TTC27: variants seen among roughly 807,000 people sequenced by gnomAD.
TTC27 encodes the protein tetratricopeptide repeat protein 27.
TTC27 carries 79 observed loss-of-function variants against 115.9 expected under a neutral mutation model. The observed-to-expected ratio is 0.68, with a 90% CI of 0.57 to 0.82. The LOEUF is 0.82. TTC27 is among the 40% of genes least tolerant of loss of function. TTC27 has a pLI of 0.00. For missense variants in TTC27, 1,054 were observed against 993.1 expected, an observed-to-expected ratio of 1.06 and a Z score of -0.82; for synonymous variants, 401 against 356.0, an observed-to-expected ratio of 1.13 and a Z score of -1.42.
intron 5 of TTC27, among the ~76,000 whole-genome samples, chr2:32,653,590 T>C (rs1452229303): frequency 3.7e-5 from 5 of 135,762 alleles, no homozygotes; most frequent in Non-Finnish European, 7.8e-5. Context: ...TGAGACTCCA[T>C]CTCAAAAAAA....
Position 32,736,756 on chromosome 2 carries a change from A to G in TTC27, c.1392A>G (p.Glu464=). The G allele has an allele frequency of 6.2e-7, 1 of 1,614,052 alleles. No individual in the cohort carries two copies. Among genetic ancestry groups the G allele is most frequent in the South Asian group, 1.1e-5 (1 of 91,078 alleles). Residue 464 remains glutamate, a synonymous_variant, in exon 12 of 20, where the codon GAA becomes GAG. Coordinates refer to ENST00000317907, the MANE Select transcript of TTC27 (RefSeq NM_017735.5). The part of the protein sequence containing the change: ...GCTSSALQIF[E]KLEMWEDVVI... The stretch of plus-strand genomic sequence containing the variant: ...CCAGTTCAGCCCTTCAGATATTTGA[A>G]AAGCTAGAAATGTGGGAAGATGTTG...
In TTC27 at chr2:32,666,786, T is replaced by C. The variant is rs372710476; in HGVS notation, c.939+18T>C. On this transcript the variant is annotated intron_variant, in intron 7 of 19. Transcript: ENST00000317907. ...TAACCAAGGCAAGTAGGACATTAAG[T>C]TATTAAATTCAATTAACACCTGAGT... The C allele has an allele frequency of 6.2e-7, 1 of 1,609,118 alleles. No individual in the cohort carries two copies. The highest frequency in any genetic ancestry group is 8.5e-7 in the Non-Finnish European group (1 of 1,177,826).
intron 9 of TTC27, among the ~76,000 whole-genome samples, chr2:32,684,691 T>C (rs994322376): frequency 2.6e-5 from 4 of 152,188 alleles, no homozygotes; most frequent in African/African-American, 9.6e-5. Flanking sequence ...ATTTTTCTTC[T>C]AGGGAATTAC....
chr2:32,754,453 G>C (rs1187048472), intron 12 of TTC27, among the ~76,000 whole-genome samples: 1 of 148,934 alleles, frequency 6.7e-6, no homozygotes, highest in Non-Finnish European at 1.5e-5. Flanking sequence ...GAGAGCACAG[G>C]GTTGGGGGTA....
At chr2:32,817,375 CTAAT>C in intron 18 of TTC27, 78 bp from the exon 19 acceptor site, 1 of 1,136,822 alleles carries the variant, frequency 8.8e-7, no homozygotes, top group Non-Finnish European at 1.3e-6. Flanking sequence ...TATAAAAATT[CTAAT>C]TAAATAATTG....
intron 4 of TTC27, among the ~76,000 whole-genome samples, chr2:32,648,840 A>C (rs1664970909): frequency 6.6e-6 from 1 of 151,766 alleles, no homozygotes; most frequent in Non-Finnish European, 1.5e-5. Flanking sequence ...GCAAAACCCC[A>C]TCTCTACCAA....
intron 12 of TTC27, among the ~76,000 whole-genome samples, chr2:32,742,143 G>A (rs1374967702): frequency 3.3e-5 from 5 of 152,138 alleles, no homozygotes; most frequent in African/African-American, 9.7e-5. Flanking sequence ...GCATTACTAA[G>A]TGGCAGTTTT....
At chr2:32,695,718 CAAAAAAAAA>C (rs66677186) in intron 9 of TTC27, among the ~76,000 whole-genome samples, 15 of 29,706 alleles carry the variant, frequency 5.0e-4, no homozygotes, top group Non-Finnish European at 7.7e-4. Flanking sequence ...GGCTCTATCT[CAAAAAAAAA>C]AAAAAAAAAA....
chr2:32,730,313 G>T (rs1668249450), intron 10 of TTC27, among the ~76,000 whole-genome samples: 1 of 152,164 alleles, frequency 6.6e-6, no homozygotes, highest in South Asian at 2.1e-4. Flanking sequence ...TCATCTCATA[G>T]AAAAATGCCA....
At chr2:32,711,131 A>AG (rs1013471747) in intron 10 of TTC27, among the ~76,000 whole-genome samples, 3 of 151,390 alleles carry the variant, frequency 2.0e-5, no homozygotes, top group Admixed American at 2.0e-4. Flanking sequence ...AAAAAAAAAA[A>AG]AAAAAAAAGA....
In TTC27 at chr2:32,820,929, T is replaced by C. The variant is rs1018667020; in HGVS notation, c.2523T>C (p.Asn841=). The C allele has an allele frequency of 1.3e-5, 20 of 1,518,938 alleles. No homozygotes were observed. The highest frequency in any genetic ancestry group is 2.5e-5 in the East Asian group (1 of 40,386). The allele number at this position is 1,518,938 out of a possible 1,614,324, so 94.1% of individuals were successfully genotyped here. Residue 841 remains asparagine (N), a synonymous_variant, in exon 20 of 20, where the codon AAT becomes AAC. Coordinates refer to ENST00000317907, the MANE Select transcript of TTC27 (RefSeq NM_017735.5). ...ELQDLSNQFR[N]QY ...AAGACCTAAGCAACCAGTTTCGAAA[T>C]CAGTATTGATTCTGCTGGAAGCAGA...
intron 4 of TTC27, among the ~76,000 whole-genome samples, chr2:32,640,780 C>T (rs1194879849): frequency 6.6e-6 from 1 of 151,980 alleles, no homozygotes; most frequent in African/African-American, 2.4e-5. Context: ...GTCAGGAGTT[C>T]GAGACCAGCC....
At chr2:32,771,730 T>G (rs1298928051) in intron 13 of TTC27, among the ~76,000 whole-genome samples, 1 of 152,032 alleles carries the variant, frequency 6.6e-6, no homozygotes, top group Admixed American at 6.6e-5. Flanking sequence ...AGGAAAAAAA[T>G]GAGCATCAAG....
At chr2:32,819,757 T>A (rs1671618577) in intron 19 of TTC27, among the ~76,000 whole-genome samples, 1 of 152,186 alleles carries the variant, frequency 6.6e-6, no homozygotes, top group Middle Eastern at 3.2e-3. Context: ...ATGAAGGGGC[T>A]GTTCATGAGA....
intron 9 of TTC27, among the ~76,000 whole-genome samples, chr2:32,685,487 A>G (rs1198426459): frequency 1.3e-5 from 2 of 152,200 alleles, no homozygotes; most frequent in African/African-American, 4.8e-5. Context: ...GTCAACAACT[A>G]TAAAATTGGA....
intron 12 of TTC27, among the ~76,000 whole-genome samples, chr2:32,751,184 G>T (rs3769578): frequency 0.1 from 15,174 of 150,972 alleles, 954 homozygotes; most frequent in African/African-American, 0.18. Flanking sequence ...CCACCACTAT[G>T]TTAAGTTTAT....
At chr2:32,697,466 T>A in intron 9 of TTC27, among the ~76,000 whole-genome samples, 1 of 152,224 alleles carries the variant, frequency 6.6e-6, no homozygotes, top group Non-Finnish European at 1.5e-5. Flanking sequence ...TCTTACACTT[T>A]TACTGAACAG....
intron 16 of TTC27, among the ~76,000 whole-genome samples, chr2:32,805,143 G>A (rs950369255): frequency 6.6e-6 from 1 of 152,186 alleles, no homozygotes; most frequent in Non-Finnish European, 1.5e-5. Flanking sequence ...CCTGAAGCCT[G>A]CTTTCCCTCG....
intron 9 of TTC27, among the ~76,000 whole-genome samples, chr2:32,696,322 C>A (rs1369494579): frequency 6.6e-6 from 1 of 151,202 alleles, no homozygotes; most frequent in African/African-American, 2.4e-5. Context: ...CAGAGTCTCA[C>A]TCTGTCGCCC....
Sources: allele counts gnomAD v4.1 joint callset (sites outside exome capture counted in the v4.1 genomes callset), GRCh38; gene constraint gnomAD v4.1.1; transcripts MANE v1.5; gene names NCBI Gene and HGNC (gene_info 2026-07-23, HGNC 2026-07-21).